ANKRD6: variants seen among roughly 807,000 people sequenced by gnomAD.
ANKRD6 encodes ankyrin repeat domain 6, also known as ankyrin repeat domain-containing protein 6.
A neutral mutation model predicts 82.3 loss-of-function variants in ANKRD6; 56 were observed. That is an observed-to-expected ratio of 0.68 (90% CI 0.55 to 0.85). The LOEUF (loss-of-function observed/expected upper bound fraction) is 0.85, where lower values mean the gene tolerates loss of function less well. Among genes scored for constraint, ANKRD6 ranks in the 40% least tolerant of loss-of-function variants. The pLI, the probability that ANKRD6 is intolerant of heterozygous loss-of-function variation, is 0.00. For missense variants in ANKRD6, 852 were observed against 907.6 expected (o/e 0.94, Z 0.79); for synonymous variants, 347 against 352.1 (o/e 0.99, Z 0.16).
At chr6:89,461,593 C>T (rs1582725137) in intron 1 of ANKRD6, among the ~76,000 whole-genome samples, 2 of 152,192 alleles carry the variant, frequency 1.3e-5, no homozygotes, top group East Asian at 3.9e-4. Flanking sequence ...AACTCAGTAT[C>T]ATTTGCTAAA....
intron 1 of ANKRD6, among the ~76,000 whole-genome samples, chr6:89,533,342 G>C (rs1783417093): frequency 6.6e-6 from 1 of 152,184 alleles, no homozygotes; most frequent in African/African-American, 2.4e-5. Context: ...TAGAAGCTGG[G>C]CTTTAAAATA....
chr6:89,522,786 A>G (rs1488045356), intron 1 of ANKRD6, among the ~76,000 whole-genome samples: 1 of 152,154 alleles, frequency 6.6e-6, no homozygotes, highest in African/African-American at 2.4e-5. Flanking sequence ...AGAGTAGATG[A>G]GGAGGAAGAG....
chr6:89,534,596 A>G lies in ANKRD6; in HGVS notation c.-143-32238A>G, dbSNP rs552873435. Reference sequence around the variant, plus strand: ...TTACTTTCTTGATTAGACCTCTCCTATCTACTCATCCATTCATCCATCTGT... The same window carrying G: ...TTACTTTCTTGATTAGACCTCTCCTGTCTACTCATCCATTCATCCATCTGT... On this transcript the variant is annotated intron_variant, in intron 1 of 15. Transcript: ENST00000339746. Among the ~76,000 whole-genome samples the G allele has an allele frequency of 3.9e-5, 6 of 152,180 alleles. No individual in the cohort carries two copies. The East Asian group carries it at 5.8e-4, about 15-fold the overall frequency.
At chr6:89,603,844 A>C (rs1797862649) in intron 4 of ANKRD6, among the ~76,000 whole-genome samples, 2 of 152,086 alleles carry the variant, frequency 1.3e-5, no homozygotes, top group South Asian at 4.1e-4. Context: ...AAATTAAGAA[A>C]ATATATATTA....
At chr6:89,484,738 G>GA (rs1000464255) in intron 1 of ANKRD6, among the ~76,000 whole-genome samples, 1 of 151,982 alleles carries the variant, frequency 6.6e-6, no homozygotes, top group African/African-American at 2.4e-5. Context: ...AATGAGATTG[G>GA]AAAAAAAAGT....
intron 1 of ANKRD6, among the ~76,000 whole-genome samples, chr6:89,472,968 G>C (rs552467836): frequency 1.3e-5 from 2 of 152,124 alleles, no homozygotes; most frequent in African/African-American, 4.8e-5. Flanking sequence ...TTAAATCGGA[G>C]ATTATTAGAT....
chr6:89,448,231 T>G (rs1335230990), intron 1 of ANKRD6, among the ~76,000 whole-genome samples: 2 of 151,890 alleles, frequency 1.3e-5, no homozygotes, highest in South Asian at 4.2e-4. Flanking sequence ...ACCCAGGAGT[T>G]TGAGACCAGC....
chr6:89,588,994 CAAAAAAAAAAAA>C (rs34892881), intron 2 of ANKRD6, among the ~76,000 whole-genome samples: 4 of 48,300 alleles, frequency 8.3e-5, no homozygotes, highest in Non-Finnish European at 1.1e-4. Context: ...GACTCTGTCT[CAAAAAAAAAAAA>C]AAAAAAAAAA....
intron 1 of ANKRD6, among the ~76,000 whole-genome samples, chr6:89,565,946 G>A (rs964864073): frequency 6.6e-6 from 1 of 152,208 alleles, no homozygotes; most frequent in Non-Finnish European, 1.5e-5. Context: ...CAGTGGCTTT[G>A]GTTGGGTCTA....
chr6:89,487,320 A>G (rs937365113), intron 1 of ANKRD6, among the ~76,000 whole-genome samples: 3 of 152,192 alleles, frequency 2.0e-5, no homozygotes, highest in Non-Finnish European at 4.4e-5. Context: ...ACATCCCACT[A>G]ACAAATCCCC....
intron 1 of ANKRD6, among the ~76,000 whole-genome samples, chr6:89,494,962 C>T (rs535561323): frequency 2.6e-4 from 40 of 152,150 alleles, no homozygotes; most frequent in Non-Finnish European, 5.1e-4. Context: ...AGGCCGGGCA[C>T]GGTGGCTCAC....
chr6:89,447,519 C>T (rs557198329), intron 1 of ANKRD6, among the ~76,000 whole-genome samples: 1 of 152,164 alleles, frequency 6.6e-6, no homozygotes, highest in Non-Finnish European at 1.5e-5. Flanking sequence ...ATCTCTGTAA[C>T]ATAAAAGTGC....
intron 1 of ANKRD6, among the ~76,000 whole-genome samples, chr6:89,533,733 T>A (rs1783478253): frequency 1.2e-5 from 1 of 83,368 alleles, no homozygotes; most frequent in Non-Finnish European, 3.0e-5. Context: ...AATGAGTGTG[T>A]GTGTGTGTGT....
chr6:89,443,868 A>G (rs761086174), intron 1 of ANKRD6, among the ~76,000 whole-genome samples: 22 of 152,282 alleles, frequency 1.4e-4, no homozygotes, highest in Non-Finnish European at 2.8e-4. Flanking sequence ...TGAGCAGAGC[A>G]GTAAGCTTGT....
At chr6:89,608,368 C>CTATATATATATATATATATATATATA (rs1554260576) in intron 5 of ANKRD6, among the ~76,000 whole-genome samples, 1 of 130,764 alleles carries the variant, frequency 7.6e-6, no homozygotes. Context: ...CACACACACA[C>CTATATATATATATATATATATATATA]TATATATATA....
In ANKRD6 at chr6:89,565,032, G is replaced by A. The variant is rs577866472; in HGVS notation, c.-143-1802G>A. On this transcript the variant is annotated intron_variant, in intron 1 of 15. Transcript: ENST00000339746. Reference sequence around the variant, plus strand: ...GATTACCTGAATGAAAAGAGGCAGCGCACCTATGTTTTTAAAAACAAACCA... The same window carrying A: ...GATTACCTGAATGAAAAGAGGCAGCACACCTATGTTTTTAAAAACAAACCA... Among the ~76,000 whole-genome samples, 23 of 152,300 alleles carry A rather than the reference G, an allele frequency of 1.5e-4. 1 individual carries two copies. In the East Asian group the frequency reaches 3.1e-3, roughly 20 times the overall value.
At chr6:89,580,949 C>A (rs1792380414) in intron 2 of ANKRD6, among the ~76,000 whole-genome samples, 1 of 152,130 alleles carries the variant, frequency 6.6e-6, no homozygotes, top group South Asian at 2.1e-4. Context: ...CAAAGGACCC[C>A]ATACACTTAT....
intron 1 of ANKRD6, among the ~76,000 whole-genome samples, chr6:89,454,645 C>T (rs1773284719): frequency 6.6e-6 from 1 of 152,184 alleles, no homozygotes; most frequent in Admixed American, 6.5e-5. Flanking sequence ...ATTTGAGGTA[C>T]GTCATTGGGG....
At position 89,612,323 on chromosome 6, in the gene ANKRD6, A is replaced by T. The variant is rs1354070829; in HGVS notation, c.469A>T (p.Thr157Ser). 5 of 1,566,510 alleles carry T rather than the reference A, an allele frequency of 3.2e-6. No individual in the cohort carries two copies. In the East Asian group the frequency reaches 1.2e-4, roughly 37 times the overall value. Reference sequence around the variant, plus strand: ...CTGCCAGAACAGCCACTCCCAGAGCACGCGCGTCCTCCTGCTGGCCGGGTC... The same window carrying T: ...CTGCCAGAACAGCCACTCCCAGAGCTCGCGCGTCCTCCTGCTGGCCGGGTC... ...LACQNSHSQS[T>S]RVLLLAGSRA... The change falls in exon 6 of 16, where the codon ACG becomes TCG. Residue 157 changes from threonine (T) to serine (S), a missense_variant. Physicochemically the swap from Thr to Ser is moderately conservative, Grantham distance 58. Coordinates refer to ENST00000339746, the MANE Select transcript of ANKRD6 (RefSeq NM_001242809.2).
Sources: gnomAD v4.1 joint callset for allele counts (sites outside exome capture counted in the v4.1 genomes callset) on GRCh38, gnomAD v4.1.1 for gene constraint, MANE v1.5 for transcripts, NCBI Gene and HGNC (gene_info 2026-07-23, HGNC 2026-07-21) for gene names.